GRIN2B: variants seen among roughly 807,000 people sequenced by gnomAD.
GRIN2B encodes the protein glutamate receptor ionotropic, NMDA 2B.
GRIN2B carries 5 observed loss-of-function variants against 114.5 expected under a neutral mutation model. That is an observed-to-expected ratio of 0.04 (90% CI 0.02 to 0.09). The LOEUF (loss-of-function observed/expected upper bound fraction) is 0.09. Ranked by LOEUF, GRIN2B falls within the 10% of genes least tolerant of loss-of-function variation. The pLI is 1.00. For synonymous variants in GRIN2B, 787 were observed against 745.1 expected, an observed-to-expected ratio of 1.06 and a Z score of -0.92; for missense variants, 1,108 against 1,943.5, an observed-to-expected ratio of 0.57 and a Z score of 8.08.
intron 2 of GRIN2B, among the ~76,000 whole-genome samples, chr12:13,902,313 C>G (rs1866465546): frequency 6.6e-6 from 1 of 152,024 alleles, no homozygotes; most frequent in Non-Finnish European, 1.5e-5. Context: ...TTGAATCTTA[C>G]ATCGTTTAGG....
At chr12:13,577,787 G>A (rs1948796810) in intron 10 of GRIN2B, among the ~76,000 whole-genome samples, 1 of 152,126 alleles carries the variant, frequency 6.6e-6, no homozygotes, top group South Asian at 2.1e-4. Flanking sequence ...GACTGTATTA[G>A]GAACAGAGAT....
At chr12:13,628,084 A>T (rs1949586279) in intron 5 of GRIN2B, among the ~76,000 whole-genome samples, 1 of 152,244 alleles carries the variant, frequency 6.6e-6, no homozygotes, top group African/African-American at 2.4e-5. Context: ...ATTATGTGCC[A>T]TAAGGCACAT....
Position 13,562,580 on chromosome 12 carries a change from G to A in GRIN2B, c.*203C>T, listed in dbSNP as rs201107317. The stretch of plus-strand genomic sequence containing the variant: ...GCTGACAGCGGGGGGAAGAAGGAGA[G>A]AACTGTGAAAAGGAGGAGAGATGGT... On this transcript the variant is annotated 3_prime_UTR_variant, in exon 14 of 14. Coordinates refer to ENST00000609686, the MANE Select transcript of GRIN2B (RefSeq NM_000834.5). 7 of 597,222 alleles carry A rather than the reference G, an allele frequency of 1.2e-5. No homozygotes were observed. Among genetic ancestry groups the A allele is most frequent in the Non-Finnish European group, 2.1e-5 (7 of 335,694 alleles). The allele number at this position is 597,222 out of a possible 1,614,324, so 37.0% of individuals were successfully genotyped here. A position where few individuals can be genotyped will look rare whatever the true frequency, so the allele number is the denominator to read the frequency against.
chr12:13,804,476 T>C lies in GRIN2B; in HGVS notation c.412-50561A>G, dbSNP rs545878695. 1.2e-4 allele frequency among the ~76,000 whole-genome samples: 19 copies of C among 152,244 alleles called. No individual in the cohort carries two copies. The South Asian group carries it at 3.3e-3, about 27-fold the overall frequency. The stretch of plus-strand genomic sequence containing the variant: ...CATCTGTTCAATGCAAATCCAAACA[T>C]AAGATATCTGAACCCCTTCATTTTT... On this transcript the variant is annotated intron_variant, in intron 3 of 13. Transcript: ENST00000609686.
chr12:13,806,148 G>A (rs1376206546), intron 3 of GRIN2B, among the ~76,000 whole-genome samples: 1 of 152,076 alleles, frequency 6.6e-6, no homozygotes, highest in Non-Finnish European at 1.5e-5. Context: ...CACTTAGGTT[G>A]ACTCCATATC....
Position 13,567,033 on chromosome 12 carries a change from T to G in GRIN2B, c.2590A>C (p.Ile864Leu). Residue 864 changes from isoleucine to leucine, a missense_variant, in exon 13 of 14, where the codon ATC (isoleucine) becomes CTC (leucine). Transcript: ENST00000609686. ...TAAATCAAAACACTTACTCTGCTGA[T>G]GGAGAAGACCATGCCAGGCTTGCCA... ...CSGKPGMVFS[I>L]SRGIYSCIHG... is the part of the protein sequence containing the mutation. 1 of 1,609,392 alleles carries G rather than the reference T, an allele frequency of 6.2e-7. No homozygotes were observed. The highest frequency in any genetic ancestry group is 8.5e-7 in the Non-Finnish European group (1 of 1,175,586).
intron 11 of GRIN2B, 128 bp from the exon 12 acceptor site, chr12:13,570,145 G>C: frequency 2.8e-6 from 2 of 706,368 alleles, no homozygotes; most frequent in Non-Finnish European, 4.9e-6. Flanking sequence ...TAAGGTTTAA[G>C]TTGGAACTCT....
At chr12:13,824,308 A>G (rs1160016190) in intron 3 of GRIN2B, among the ~76,000 whole-genome samples, 1 of 152,240 alleles carries the variant, frequency 6.6e-6, no homozygotes, top group African/African-American at 2.4e-5. Flanking sequence ...TTTGATATAT[A>G]AAGAATGACT....
At chr12:13,692,760 C>CTTTCTTTCTTTTTTT (rs1427827056) in intron 4 of GRIN2B, among the ~76,000 whole-genome samples, 5 of 52,132 alleles carry the variant, frequency 9.6e-5, no homozygotes, top group African/African-American at 1.9e-4. Flanking sequence ...TCTTTCTTTT[C>CTTTCTTTCTTTTTTT]TTTTTTTTTT....
chr12:13,560,626 C>T lies in GRIN2B; in HGVS notation c.*2157G>A, dbSNP rs1021288891. The T allele has an allele frequency of 6.6e-6, 1 of 152,292 alleles. No individual in the cohort carries two copies. Among genetic ancestry groups the T allele is most frequent in the African/African-American group, 2.4e-5 (1 of 41,450 alleles). 9.4% of individuals were successfully genotyped at this position (152,292 alleles called of 1,614,324 possible). A position where few individuals can be genotyped will look rare whatever the true frequency, so the allele number is the denominator to read the frequency against. On this transcript the variant is annotated 3_prime_UTR_variant, in exon 14 of 14. Transcript: ENST00000609686. ...CGCCTTCTTCCTCCTGGAGGTGCCTCATGCCCTCTGTCCTCTCTCAGTCTT... is the reference window on the plus strand; with the variant it reads ...CGCCTTCTTCCTCCTGGAGGTGCCTTATGCCCTCTGTCCTCTCTCAGTCTT...
At chr12:13,881,183 A>G (rs182081944) in intron 2 of GRIN2B, among the ~76,000 whole-genome samples, 1 of 152,222 alleles carries the variant, frequency 6.6e-6, no homozygotes, top group African/African-American at 2.4e-5. Context: ...AAATATGTTC[A>G]TGAACAACTC....
At chr12:13,628,784 T>C (rs1228391739) in intron 5 of GRIN2B, among the ~76,000 whole-genome samples, 1 of 152,260 alleles carries the variant, frequency 6.6e-6, no homozygotes, top group Non-Finnish European at 1.5e-5. Flanking sequence ...GACAATATTT[T>C]CCAGACCACA....
At chr12:13,781,560 G>A (rs1241756871) in intron 3 of GRIN2B, among the ~76,000 whole-genome samples, 1 of 152,134 alleles carries the variant, frequency 6.6e-6, no homozygotes, top group Non-Finnish European at 1.5e-5. Context: ...CATTTAATTT[G>A]AAAGCCAGCT....
rs1948294703 is a variant in GRIN2B at position 13,542,737 on chromosome 12, C to A, written c.*20046G>T. On this transcript the variant is annotated 3_prime_UTR_variant, in exon 14 of 14. Transcript: ENST00000609686. ...ATCTCAGCTCATTTCCCTTCCTTTA[C>A]CAACTCCCAAATCCTGCCTAAGAAT... 6.6e-6 allele frequency: 1 copy of A among 152,310 alleles called. No individual in the cohort carries two copies. The highest frequency in any genetic ancestry group is 2.4e-5 in the African/African-American group (1 of 41,440). The allele number at this position is 152,310 out of a possible 1,614,324, so 9.4% of individuals were successfully genotyped here. A position where few individuals can be genotyped will look rare whatever the true frequency, so the allele number is the denominator to read the frequency against.
At chr12:13,781,000 A>T (rs894911517) in intron 3 of GRIN2B, among the ~76,000 whole-genome samples, 1 of 152,212 alleles carries the variant, frequency 6.6e-6, no homozygotes, top group Non-Finnish European at 1.5e-5. Flanking sequence ...GATGTAGACC[A>T]ATATTCCAGC....
At chr12:13,972,932 G>A (rs946460776) in intron 2 of GRIN2B, among the ~76,000 whole-genome samples, 4 of 152,208 alleles carry the variant, frequency 2.6e-5, no homozygotes, top group Admixed American at 6.5e-5. Context: ...GCACAGGTGT[G>A]TGGGGGGTGT....
At chr12:13,841,843 T>G (rs1865383582) in intron 3 of GRIN2B, among the ~76,000 whole-genome samples, 1 of 152,208 alleles carries the variant, frequency 6.6e-6, no homozygotes, top group Non-Finnish European at 1.5e-5. Context: ...TTTCTTAGTT[T>G]TGTTTGTAGT....
chr12:13,834,785 C>T (rs756684517), intron 3 of GRIN2B, among the ~76,000 whole-genome samples: 3 of 152,196 alleles, frequency 2.0e-5, no homozygotes, highest in Non-Finnish European at 4.4e-5. Context: ...AAAGCAATCA[C>T]CATCTAAGCC....
intron 4 of GRIN2B, among the ~76,000 whole-genome samples, chr12:13,743,510 A>G (rs1863320631): frequency 6.6e-6 from 1 of 152,154 alleles, no homozygotes; most frequent in African/African-American, 2.4e-5. Flanking sequence ...TTGACACATT[A>G]TTAAGATCTG....
Sources: allele counts gnomAD v4.1 joint callset (sites outside exome capture counted in the v4.1 genomes callset), GRCh38; gene constraint gnomAD v4.1.1; transcripts MANE v1.5; gene names NCBI Gene and HGNC (gene_info 2026-07-23, HGNC 2026-07-21).